The following SMOC2 variants were observed in gnomAD, a reference collection of about 807,000 sequenced individuals.
The protein encoded by SMOC2 is SPARC-related modular calcium-binding protein 2.
A neutral mutation model predicts 61.4 loss-of-function variants in SMOC2; 39 were observed. The ratio of observed to expected loss-of-function variants is 0.64; its 90% CI spans 0.49 to 0.83. The LOEUF is 0.83. Ranked by LOEUF, SMOC2 falls within the 40% of genes least tolerant of loss-of-function variation. The probability of loss-of-function intolerance (pLI) is 0.00; values close to 1 mark genes in which losing one functional copy is unlikely to be tolerated. For synonymous variants in SMOC2, 247 were observed against 239.9 expected, an observed-to-expected ratio of 1.03 and a Z score of -0.27; for missense variants, 556 against 592.9, an observed-to-expected ratio of 0.94 and a Z score of 0.65.
At chr6:168,520,269 G>C (rs1783298037) in intron 2 of SMOC2, among the ~76,000 whole-genome samples, 1 of 152,202 alleles carries the variant, frequency 6.6e-6, no homozygotes, top group Non-Finnish European at 1.5e-5. Flanking sequence ...CAAAATTACG[G>C]GTGGGTAAAA....
chr6:168,656,417 A>G (rs567317284), intron 11 of SMOC2, among the ~76,000 whole-genome samples: 31 of 151,618 alleles, frequency 2.0e-4, no homozygotes, highest in Non-Finnish European at 3.2e-4. Context: ...AGGCTGAGGC[A>G]CAATTGCTTG....
In SMOC2 at chr6:168,482,804, C is replaced by T. The variant is rs192470840; in HGVS notation, c.85-27111C>T. On this transcript the variant is annotated intron_variant, in intron 1 of 12. Transcript: ENST00000356284. Reference sequence around the variant, plus strand: ...GTAACAGAATGAATAGGGTAAAAAGCGTGATCTCAATTAGATGAAGAAAGC... The same window carrying T: ...GTAACAGAATGAATAGGGTAAAAAGTGTGATCTCAATTAGATGAAGAAAGC... Among the ~76,000 whole-genome samples, 11 of 152,076 alleles carry T rather than the reference C, an allele frequency of 7.2e-5. No individual in the cohort carries two copies. The South Asian group carries it at 1.5e-3, about 20-fold the overall frequency.
intron 9 of SMOC2, among the ~76,000 whole-genome samples, chr6:168,624,207 C>T (rs1375613976): frequency 1.3e-5 from 2 of 152,208 alleles, no homozygotes; most frequent in African/African-American, 2.4e-5. Context: ...CATGACAGTG[C>T]TGTGAGGAAG....
chr6:168,446,069 G>A (rs1562533592), intron 1 of SMOC2, among the ~76,000 whole-genome samples: 1 of 152,210 alleles, frequency 6.6e-6, no homozygotes, highest in Non-Finnish European at 1.5e-5. Context: ...TTTTGAATTA[G>A]AAGATAAACT....
chr6:168,581,790 GC>G (rs568914119), intron 7 of SMOC2, among the ~76,000 whole-genome samples: 29 of 152,132 alleles, frequency 1.9e-4, no homozygotes, highest in African/African-American at 6.5e-4. Flanking sequence ...CCTCCCTGCA[GC>G]CCCCCTCCCC....
At chr6:168,565,477 A>C (rs1345129356) in intron 7 of SMOC2, among the ~76,000 whole-genome samples, 1 of 152,126 alleles carries the variant, frequency 6.6e-6, no homozygotes, top group Admixed American at 6.6e-5. Context: ...TCCTGCATGG[A>C]CATCAATTAT....
chr6:168,659,645 G>T (rs112524129), intron 11 of SMOC2, among the ~76,000 whole-genome samples: 11 of 150,382 alleles, frequency 7.3e-5, no homozygotes, highest in African/African-American at 7.3e-5. Flanking sequence ...TTGTAGGTTG[G>T]GTGAGGGTGG....
chr6:168,612,013 A>T (rs1785885167), intron 9 of SMOC2, among the ~76,000 whole-genome samples: 1 of 152,190 alleles, frequency 6.6e-6, no homozygotes, highest in Admixed American at 6.5e-5. Context: ...GGCATCCGCG[A>T]GGTGGAACGA....
intron 9 of SMOC2, among the ~76,000 whole-genome samples, chr6:168,649,613 A>G (rs1029739840): frequency 1.3e-5 from 2 of 152,184 alleles, no homozygotes; most frequent in African/African-American, 4.8e-5. Context: ...TCTCCCCTGG[A>G]TATTTACACA....
At chr6:168,449,847 A>G (rs1245475345) in intron 1 of SMOC2, among the ~76,000 whole-genome samples, 1 of 152,238 alleles carries the variant, frequency 6.6e-6, no homozygotes, top group Non-Finnish European at 1.5e-5. Flanking sequence ...TAAATTTTGT[A>G]ACATACATAT....
chr6:168,598,942 CACG>C lies in SMOC2; in HGVS notation c.763_765del (p.Thr255del). 6.2e-7 allele frequency: 1 copy of C among 1,613,616 alleles called. No individual in the cohort carries two copies. Among genetic ancestry groups the C allele is most frequent in the Non-Finnish European group, 8.5e-7 (1 of 1,179,698 alleles). ...ACAAGCCAGTGCAGTGCCACCCCTC[CACG>C]GGGTACTGCTGGTGCGTCCTGGTGG... On this transcript the variant is annotated inframe_deletion, in exon 8 of 13. Coordinates refer to ENST00000356284, the MANE Select transcript of SMOC2 (RefSeq NM_001166412.2).
chr6:168,462,448 C>T (rs943409304), intron 1 of SMOC2, among the ~76,000 whole-genome samples: 9 of 152,206 alleles, frequency 5.9e-5, no homozygotes, highest in African/African-American at 2.2e-4. Flanking sequence ...CCTTCCAGCT[C>T]AGCCCCCTCT....
chr6:168,627,862 G>A (rs911926261), intron 9 of SMOC2, among the ~76,000 whole-genome samples: 1 of 152,188 alleles, frequency 6.6e-6, no homozygotes, highest in East Asian at 1.9e-4. Context: ...CTTCTGCCAA[G>A]CCCAGCTAAG....
chr6:168,618,171 C>T (rs375817851), intron 9 of SMOC2, among the ~76,000 whole-genome samples: 1 of 152,260 alleles, frequency 6.6e-6, no homozygotes, highest in African/African-American at 2.4e-5. Flanking sequence ...TGTGCTATCA[C>T]CACGATGAAA....
chr6:168,595,947 A>C (rs1441272462), intron 7 of SMOC2, among the ~76,000 whole-genome samples: 1 of 152,286 alleles, frequency 6.6e-6, no homozygotes, highest in African/African-American at 2.4e-5. Flanking sequence ...CTGGATCATC[A>C]AACCATAAAT....
intron 9 of SMOC2, among the ~76,000 whole-genome samples, chr6:168,629,834 C>A (rs570217703): frequency 6.6e-6 from 1 of 152,182 alleles, no homozygotes; most frequent in South Asian, 2.1e-4. Context: ...TTTAAAGCTC[C>A]GCTGAAGTGT....
At chr6:168,479,496 A>T (rs2115021715) in intron 1 of SMOC2, among the ~76,000 whole-genome samples, 1 of 152,332 alleles carries the variant, frequency 6.6e-6, no homozygotes, top group Non-Finnish European at 1.5e-5. Context: ...TTTCTGATGT[A>T]ACTATTTTGG....
intron 9 of SMOC2, among the ~76,000 whole-genome samples, chr6:168,643,388 A>G (rs2115263867): frequency 2.0e-5 from 3 of 152,226 alleles, no homozygotes; most frequent in Middle Eastern, 6.8e-3. Context: ...TTTGTTCCCT[A>G]GGACCATCCT....
intron 9 of SMOC2, among the ~76,000 whole-genome samples, chr6:168,614,263 G>A (rs1785985262): frequency 4.3e-5 from 3 of 70,274 alleles, no homozygotes; most frequent in Non-Finnish European, 8.3e-5. Flanking sequence ...CCAGCACAGG[G>A]CCTCTTTATA....
Sources: gnomAD v4.1 joint callset for allele counts (sites outside exome capture counted in the v4.1 genomes callset) on GRCh38, gnomAD v4.1.1 for gene constraint, MANE v1.5 for transcripts, NCBI Gene and HGNC (gene_info 2026-07-23, HGNC 2026-07-21) for gene names.